The following DRC9 variants were observed in gnomAD, a reference collection of about 807,000 sequenced individuals.
The protein encoded by DRC9 is dynein regulatory complex subunit 9, also known as dynein regulatory complex protein 9.
the DRC9 span, among the ~76,000 whole-genome samples, chr3:197,925,587 G>GTTTT: frequency 7.8e-6 from 1 of 127,582 alleles, no homozygotes; most frequent in Non-Finnish European, 1.6e-5. Flanking sequence ...TATATCTTCT[G>GTTTT]TTTTTTTTTT....
chr3:197,927,742 T>A, the DRC9 span, among the ~76,000 whole-genome samples: 1 of 152,166 alleles, frequency 6.6e-6, no homozygotes, highest in Non-Finnish European at 1.5e-5. Flanking sequence ...AAAGTGCCCA[T>A]TTTACACATA....
the DRC9 span, chr3:197,950,029 G>A: frequency 1.1e-6 from 1 of 900,170 alleles, no homozygotes; most frequent in Non-Finnish European, 1.5e-6. Flanking sequence ...CAAGATGAAA[G>A]GACTTAGGAA....
the DRC9 span, chr3:197,912,976 G>T: frequency 2.0e-6 from 1 of 509,794 alleles, no homozygotes; most frequent in Non-Finnish European, 3.5e-6. Context: ...CCCGTGAGCT[G>T]AACAGAGGTG....
chr3:197,914,624 T>C, the DRC9 span, among the ~76,000 whole-genome samples: 1 of 152,104 alleles, frequency 6.6e-6, no homozygotes, highest in South Asian at 2.1e-4. Flanking sequence ...ATTGTGGAGA[T>C]CTAAACAGAC....
the DRC9 span, among the ~76,000 whole-genome samples, chr3:197,904,241 C>T: frequency 6.6e-6 from 1 of 151,656 alleles, no homozygotes; most frequent in Non-Finnish European, 1.5e-5. Flanking sequence ...AACTACGAGA[C>T]ATCATCTCGC....
the DRC9 span, chr3:197,951,359 T>C: frequency 6.3e-7 from 1 of 1,595,392 alleles, no homozygotes; most frequent in Non-Finnish European, 8.6e-7. Context: ...ATCTGCCTCA[T>C]TTTCTTTTTT....
At chr3:197,899,644 T>C in the DRC9 span, among the ~76,000 whole-genome samples, 1 of 151,676 alleles carries the variant, frequency 6.6e-6, no homozygotes, top group South Asian at 2.1e-4. Context: ...AGAGATAAGA[T>C]ATCAAAAGGA....
chr3:197,890,938 C>T, the DRC9 span, among the ~76,000 whole-genome samples: 2 of 152,174 alleles, frequency 1.3e-5, no homozygotes, highest in Admixed American at 6.5e-5. Flanking sequence ...TTTTTGCTTG[C>T]GAGTATTTCA....
the DRC9 span, chr3:197,892,797 A>G: frequency 4.3e-6 from 7 of 1,612,384 alleles, no homozygotes; most frequent in Non-Finnish European, 5.9e-6. Flanking sequence ...CATTCAGCAG[A>G]CACAAAACGC....
the DRC9 span, among the ~76,000 whole-genome samples, chr3:197,947,850 TCTCTGGGCTTAGGTAACTATTTCTTTC>T: frequency 1.6e-4 from 25 of 151,864 alleles, no homozygotes; most frequent in East Asian, 4.6e-3. Context: ...CAAACGTCTC[TCTCTGGGCTTAGGTAACTATTTCTTTC>T]CTAGGTCCCG....
the DRC9 span, among the ~76,000 whole-genome samples, chr3:197,934,979 GATA>G: frequency 1.3e-5 from 2 of 151,588 alleles, no homozygotes; most frequent in African/African-American, 4.9e-5. Flanking sequence ...TCAAAATAAT[GATA>G]ATAATAAAAT....
the DRC9 span, among the ~76,000 whole-genome samples, chr3:197,941,285 CCTTT>C: frequency 1.9e-4 from 22 of 117,638 alleles, no homozygotes; most frequent in South Asian, 3.6e-4. Context: ...TTCCTCTCTT[CCTTT>C]CTTTCTTTTC....
chr3:197,899,360 C>T, the DRC9 span, among the ~76,000 whole-genome samples: 3 of 152,186 alleles, frequency 2.0e-5, no homozygotes, highest in Non-Finnish European at 4.4e-5. Context: ...ACTCTGACAG[C>T]AATTCAACAA....
At chr3:197,930,175 C>A in the DRC9 span, among the ~76,000 whole-genome samples, 6,975 of 150,266 alleles carry the variant, frequency 0.046, 274 homozygotes, top group African/African-American at 0.1. Context: ...GGCAACATGG[C>A]AAAACCCCAT....
chr3:197,893,661 G>C, the DRC9 span, among the ~76,000 whole-genome samples: 1 of 150,028 alleles, frequency 6.7e-6, no homozygotes, highest in East Asian at 2.0e-4. Context: ...GGCTAACACG[G>C]TGAAACCCTG....
the DRC9 span, chr3:197,913,671 C>T: frequency 1.6e-6 from 1 of 629,516 alleles, no homozygotes; most frequent in South Asian, 1.9e-5. Flanking sequence ...CATTATGAGG[C>T]GGGAGATGGA....
the DRC9 span, chr3:197,912,797 A>G: frequency 6.7e-7 from 1 of 1,481,712 alleles, no homozygotes; most frequent in African/African-American, 1.4e-5. Context: ...AGGGCTGGGA[A>G]TCAGAAGTTC....
At chr3:197,932,024 C>A in the DRC9 span, 1 of 686,082 alleles carries the variant, frequency 1.5e-6, no homozygotes, top group Non-Finnish European at 2.5e-6. Flanking sequence ...ATTGTCCCAG[C>A]AGAACTAGGA....
chr3:197,889,980 G>C, the DRC9 span, among the ~76,000 whole-genome samples: 25 of 152,300 alleles, frequency 1.6e-4, no homozygotes, highest in African/African-American at 5.5e-4. Context: ...TTCACCCGTA[G>C]AAATCTGACT....
Sources: gnomAD v4.1 joint callset for allele counts (sites outside exome capture counted in the v4.1 genomes callset) on GRCh38, gnomAD v4.1.1 for gene constraint, MANE v1.5 for transcripts, NCBI Gene and HGNC (gene_info 2026-07-23, HGNC 2026-07-21) for gene names.